The following SH3RF2 variants were observed in gnomAD, a reference collection of about 807,000 sequenced individuals.
SH3RF2 encodes E3 ubiquitin-protein ligase SH3RF2.
A neutral mutation model predicts 59.0 loss-of-function variants in SH3RF2; 43 were observed. That is an observed-to-expected ratio of 0.73 (90% confidence interval 0.57 to 0.94). SH3RF2 has a LOEUF of 0.94. Ranked by LOEUF, SH3RF2 falls within the 40% of genes least tolerant of loss-of-function variation. SH3RF2 has a pLI of 0.00. For missense variants in SH3RF2, 930 were observed against 940.1 expected (o/e 0.99, Z 0.14); for synonymous variants, 391 against 391.5 (o/e 1.00, Z 0.01).
At chr5:145,963,370 A>T (rs1158491565) in intron 2 of SH3RF2, among the ~76,000 whole-genome samples, 5 of 152,166 alleles carry the variant, frequency 3.3e-5, no homozygotes, top group African/African-American at 1.2e-4. Flanking sequence ...TGGGAGGCCA[A>T]GGCCAAAGGA....
At chr5:146,068,372 A>C (rs1413072810) in intron 9 of SH3RF2, among the ~76,000 whole-genome samples, 1 of 152,222 alleles carries the variant, frequency 6.6e-6, no homozygotes, top group African/African-American at 2.4e-5. Flanking sequence ...AGCTGGGACC[A>C]AGTGCTTAGC....
downstream of SH3RF2, among the ~76,000 whole-genome samples, chr5:146,066,287 A>C (rs1763103691): frequency 6.6e-6 from 1 of 152,180 alleles, no homozygotes; most frequent in Admixed American, 6.5e-5. Flanking sequence ...GCTGCGCACA[A>C]ATACAGTTCA....
At chr5:145,937,789 A>T in intron 1 of SH3RF2, 34 bp from the exon 2 acceptor site, 2 of 962,924 alleles carry the variant, frequency 2.1e-6, no homozygotes, top group East Asian at 2.5e-5. Flanking sequence ...GAGCAGTCAC[A>T]TTTTTTTTTC....
chr5:145,995,922 G>A (rs189359977), intron 2 of SH3RF2, among the ~76,000 whole-genome samples: 1 of 152,134 alleles, frequency 6.6e-6, no homozygotes, highest in African/African-American at 2.4e-5. Flanking sequence ...GTTTTTCATT[G>A]TATGGGTATG....
At chr5:145,963,056 C>G (rs1243806157) in intron 2 of SH3RF2, among the ~76,000 whole-genome samples, 1 of 151,866 alleles carries the variant, frequency 6.6e-6, no homozygotes, top group Non-Finnish European at 1.5e-5. Flanking sequence ...TGCCACCACA[C>G]CCGGCTAATT....
intron 9 of SH3RF2, among the ~76,000 whole-genome samples, chr5:146,077,061 C>CT (rs1469025012): frequency 2.0e-5 from 3 of 152,150 alleles, no homozygotes; most frequent in African/African-American, 7.2e-5. Flanking sequence ...TCCCATCATC[C>CT]TTTTAGCTTT....
intron 6 of SH3RF2, among the ~76,000 whole-genome samples, chr5:146,048,713 A>G (rs1358489886): frequency 6.6e-6 from 1 of 152,132 alleles, no homozygotes; most frequent in Non-Finnish European, 1.5e-5. Flanking sequence ...GCCTTTGATC[A>G]GGTAGCTATT....
At chr5:145,962,961 A>G (rs1580778908) in intron 2 of SH3RF2, among the ~76,000 whole-genome samples, 1 of 142,826 alleles carries the variant, frequency 7.0e-6, no homozygotes, top group African/African-American at 2.7e-5. Context: ...GCAGTGGCGC[A>G]ATCTTGGCTC....
At chr5:145,969,642 G>A (rs1346423415) in intron 2 of SH3RF2, among the ~76,000 whole-genome samples, 1 of 151,996 alleles carries the variant, frequency 6.6e-6, no homozygotes, top group Non-Finnish European at 1.5e-5. Flanking sequence ...GACTGAGGCT[G>A]GAGGATTGCT....
At chr5:146,009,044 G>A (rs1265382278) in intron 4 of SH3RF2, among the ~76,000 whole-genome samples, 3 of 152,198 alleles carry the variant, frequency 2.0e-5, no homozygotes, top group Non-Finnish European at 4.4e-5. Context: ...AGACACTGGA[G>A]TTGTTTTCCA....
At chr5:146,072,934 A>G (rs1763268684) in intron 9 of SH3RF2, among the ~76,000 whole-genome samples, 1 of 152,238 alleles carries the variant, frequency 6.6e-6, no homozygotes, top group Non-Finnish European at 1.5e-5. Flanking sequence ...GGTGGGGATT[A>G]AGTGAGACAA....
chr5:146,059,395 CCT>C (rs1762799593), intron 8 of SH3RF2, among the ~76,000 whole-genome samples: 1 of 152,012 alleles, frequency 6.6e-6, no homozygotes, highest in South Asian at 2.1e-4. Flanking sequence ...CCTCTCTCCT[CCT>C]CTCTTTCTCC....
rs35937996 is a variant in SH3RF2, at chr5:146,049,102, C to T, written c.1179C>T (p.Ala393=). The T allele has an allele frequency of 3.7e-6, 6 of 1,614,084 alleles. No individual in the cohort carries two copies. The highest frequency in any genetic ancestry group is 4.2e-6 in the Non-Finnish European group (5 of 1,179,984). Residue 393 remains alanine, a synonymous_variant, in exon 7 of 10, where the codon GCC becomes GCT. Coordinates refer to ENST00000359120, the MANE Select transcript of SH3RF2 (RefSeq NM_152550.4). ...TTGTAGCCCTGCACTCCTACTCAGC[C>T]CATGGACCCGATGAGCTGGACCTGC... ...NMFVALHSYS[A]HGPDELDLQK...
At chr5:145,998,499 GAA>G (rs35057840) in intron 2 of SH3RF2, among the ~76,000 whole-genome samples, 3 of 151,802 alleles carry the variant, frequency 2.0e-5, no homozygotes, top group African/African-American at 2.4e-5. Context: ...TGTTTTATGG[GAA>G]AAAAAAGTAT....
chr5:145,998,654 C>T (rs962554428), intron 2 of SH3RF2, among the ~76,000 whole-genome samples: 4 of 152,148 alleles, frequency 2.6e-5, no homozygotes, highest in Admixed American at 2.0e-4. Flanking sequence ...TGGTGGCTCA[C>T]GCCTGTAATG....
At chr5:145,959,017 C>T (rs746569571) in intron 2 of SH3RF2, among the ~76,000 whole-genome samples, 9 of 152,114 alleles carry the variant, frequency 5.9e-5, no homozygotes, top group Non-Finnish European at 1.3e-4. Flanking sequence ...TTTCCAAAGA[C>T]TCCAGGTAGA....
intron 5 of SH3RF2, among the ~76,000 whole-genome samples, chr5:146,044,753 AC>A (rs977407252): frequency 1.3e-5 from 2 of 150,470 alleles, no homozygotes; most frequent in Non-Finnish European, 3.0e-5. Flanking sequence ...TCTCCCCCTC[AC>A]CCCTCTTCTT....
At chr5:145,982,096 T>C (rs1759527591) in intron 2 of SH3RF2, among the ~76,000 whole-genome samples, 1 of 152,154 alleles carries the variant, frequency 6.6e-6, no homozygotes, top group Non-Finnish European at 1.5e-5. Flanking sequence ...TTTGCATGAG[T>C]GCCTCAGGTA....
intron 4 of SH3RF2, among the ~76,000 whole-genome samples, chr5:146,005,854 TAA>T (rs34318684): frequency 1.4e-4 from 18 of 129,652 alleles, no homozygotes; most frequent in Admixed American, 4.7e-4. Context: ...GCACTCTGTT[TAA>T]AAAAAAAAAA....
Sources: gnomAD v4.1 joint callset for allele counts (sites outside exome capture counted in the v4.1 genomes callset) on GRCh38, gnomAD v4.1.1 for gene constraint, MANE v1.5 for transcripts, NCBI Gene and HGNC (gene_info 2026-07-23, HGNC 2026-07-21) for gene names.